The following CCSER1 variants were observed in gnomAD, a reference collection of about 807,000 sequenced individuals.
The protein encoded by CCSER1 is serine-rich coiled-coil domain-containing protein 1.
A neutral mutation model predicts 82.0 loss-of-function variants in CCSER1; 41 were observed. That is an observed-to-expected ratio of 0.50 (90% CI 0.39 to 0.65). CCSER1 has a LOEUF of 0.65. CCSER1 is among the 30% of genes least tolerant of loss of function. The pLI, the probability that CCSER1 is intolerant of heterozygous loss-of-function variation, is 0.00. For missense variants in CCSER1, 1,119 were observed against 1,064.2 expected (o/e 1.05, Z -0.72); for synonymous variants, 414 against 383.9 (o/e 1.08, Z -0.92).
intron 10 of CCSER1, among the ~76,000 whole-genome samples, chr4:91,178,037 C>T (rs1733590072): frequency 1.3e-5 from 2 of 152,142 alleles, no homozygotes; most frequent in African/African-American, 4.8e-5. Context: ...TTTCAAAGAA[C>T]ATCTTTATAT....
At chr4:90,976,483 C>T (rs1381296) in intron 9 of CCSER1, among the ~76,000 whole-genome samples, 5,619 of 150,576 alleles carry the variant, frequency 0.037, 147 homozygotes, top group South Asian at 0.082. Flanking sequence ...AGCAGTTTGG[C>T]GGTAAGAATT....
intron 9 of CCSER1, among the ~76,000 whole-genome samples, chr4:90,925,580 T>G (rs1049163098): frequency 2.0e-5 from 3 of 152,188 alleles, no homozygotes; most frequent in Non-Finnish European, 4.4e-5. Context: ...GGATAGTTAT[T>G]CTAACACCAT....
In CCSER1 at chr4:90,861,905, C is replaced by CATAT. The variant is rs1433929339; in HGVS notation, c.2094+46079_2094+46082dup. ...CCATGGATCTCCTGATATGATGACT[C>CATAT]ATATATATATATATATATATATTTT... is the stretch of plus-strand genomic sequence containing the variant. On this transcript the variant is annotated intron_variant, in intron 8 of 10. Coordinates refer to ENST00000509176, the MANE Select transcript of CCSER1 (RefSeq NM_001145065.2). 1.2e-3 allele frequency among the ~76,000 whole-genome samples: 163 copies of CATAT among 139,372 alleles called. 2 individuals carry two copies. Among genetic ancestry groups the CATAT allele is most frequent in the Admixed American group, 6.5e-3 (88 of 13,630 alleles). The allele number at this position is 139,372 out of a possible 152,430, so 91.4% of individuals were successfully genotyped here.
chr4:90,584,048 A>G (rs1781717052), intron 5 of CCSER1, among the ~76,000 whole-genome samples: 2 of 152,182 alleles, frequency 1.3e-5, no homozygotes, highest in African/African-American at 4.8e-5. Flanking sequence ...TAAGCTGAGC[A>G]CCAAGATCTC....
intron 7 of CCSER1, among the ~76,000 whole-genome samples, chr4:90,786,684 C>T (rs1182061754): frequency 6.6e-6 from 1 of 152,180 alleles, no homozygotes; most frequent in African/African-American, 2.4e-5. Flanking sequence ...TCTCATACCA[C>T]AGCGATCAAC....
At chr4:90,955,202 C>A (rs1321417165) in intron 9 of CCSER1, among the ~76,000 whole-genome samples, 2 of 152,060 alleles carry the variant, frequency 1.3e-5, no homozygotes, top group Non-Finnish European at 2.9e-5. Context: ...CTTGGAAGAC[C>A]CAGCTGGTCC....
intron 10 of CCSER1, among the ~76,000 whole-genome samples, chr4:91,216,477 A>C (rs374815523): frequency 5.8e-4 from 88 of 151,992 alleles, no homozygotes; most frequent in African/African-American, 2.1e-3. Context: ...GTGCCACCAC[A>C]CCCGGCTAAT....
chr4:90,547,792 T>TA (rs1271553549), intron 5 of CCSER1, among the ~76,000 whole-genome samples: 1 of 152,200 alleles, frequency 6.6e-6, no homozygotes, highest in Admixed American at 6.5e-5. Flanking sequence ...AATTTGGCTC[T>TA]AATTTTTTTG....
intron 10 of CCSER1, among the ~76,000 whole-genome samples, chr4:91,427,249 G>T (rs1031159380): frequency 3.3e-5 from 5 of 152,104 alleles, no homozygotes; most frequent in African/African-American, 1.2e-4. Context: ...GCTCCAAGGG[G>T]ATAGGTACAA....
At chr4:90,285,653 T>C (rs1044437398) in intron 1 of CCSER1, among the ~76,000 whole-genome samples, 1 of 152,088 alleles carries the variant, frequency 6.6e-6, no homozygotes, top group Non-Finnish European at 1.5e-5. Context: ...GTCTAATTGC[T>C]CTGGCTAGGG....
At chr4:90,912,129 T>G (rs1426235717) in intron 8 of CCSER1, among the ~76,000 whole-genome samples, 1 of 152,136 alleles carries the variant, frequency 6.6e-6, no homozygotes, top group Non-Finnish European at 1.5e-5. Context: ...TGGAATACAG[T>G]AGTGTTTCTT....
chr4:91,314,750 A>T lies in CCSER1; in HGVS notation c.2217+228756A>T, dbSNP rs572316113. Among the ~76,000 whole-genome samples the T allele has an allele frequency of 1.9e-3, 285 of 152,126 alleles. 3 individuals carry two copies. The highest frequency in any genetic ancestry group is 1.1e-3 in the Non-Finnish European group (76 of 67,946). On this transcript the variant is annotated intron_variant, in intron 10 of 10. Coordinates refer to ENST00000509176, the MANE Select transcript of CCSER1 (RefSeq NM_001145065.2). ...ACATTTCTGGGTTGTTATCTTTTTT[A>T]AATCTCCATCATACCAAATATGGAT...
At chr4:91,446,329 G>T (rs990542321) in intron 10 of CCSER1, among the ~76,000 whole-genome samples, 1 of 151,994 alleles carries the variant, frequency 6.6e-6, no homozygotes, top group Non-Finnish European at 1.5e-5. Flanking sequence ...TAAGTAAAAG[G>T]TCATCACTTT....
rs1294821846 is a variant in CCSER1, at chr4:91,157,989, A to G, written c.2217+71995A>G. ...TTACAGAGTAGGGGTTGAAAGCAGT[A>G]TATTCTACTTCTCAGAAAGCCAAAT... is the stretch of plus-strand genomic sequence containing the variant. On this transcript the variant is annotated intron_variant, in intron 10 of 10. Transcript: ENST00000509176. Among the ~76,000 whole-genome samples, 9 of 152,028 alleles carry G rather than the reference A, an allele frequency of 5.9e-5. 1 individual carries two copies. Among genetic ancestry groups the G allele is most frequent in the Non-Finnish European group, 8.8e-5 (6 of 67,930 alleles).
At chr4:91,231,439 T>C (rs1273054794) in intron 10 of CCSER1, among the ~76,000 whole-genome samples, 6 of 151,756 alleles carry the variant, frequency 4.0e-5, no homozygotes, top group Non-Finnish European at 8.9e-5. Context: ...TTCATATACA[T>C]ATGAAACACA....
chr4:90,456,431 T>A (rs2153581031), intron 4 of CCSER1, among the ~76,000 whole-genome samples: 1 of 152,216 alleles, frequency 6.6e-6, no homozygotes, highest in Admixed American at 6.5e-5. Context: ...GAAAGAATGA[T>A]AGGAAAGACT....
intron 9 of CCSER1, among the ~76,000 whole-genome samples, chr4:90,961,379 G>T (rs190540639): frequency 8.5e-5 from 13 of 152,128 alleles, no homozygotes; most frequent in Admixed American, 5.3e-4. Flanking sequence ...ACCAAAAATG[G>T]TCAACCATTA....
intron 6 of CCSER1, among the ~76,000 whole-genome samples, chr4:90,702,670 C>T (rs115555178): frequency 0.15 from 23,543 of 151,992 alleles, 2,020 homozygotes; most frequent in Non-Finnish European, 0.19. Flanking sequence ...AGTCTATTAA[C>T]GGATTCAACT....
At chr4:90,988,721 A>T (rs1332938200) in intron 9 of CCSER1, among the ~76,000 whole-genome samples, 7 of 151,816 alleles carry the variant, frequency 4.6e-5, no homozygotes, top group Non-Finnish European at 8.8e-5. Flanking sequence ...CATTTTCATT[A>T]TTGAAACTCT....
Sources: allele counts gnomAD v4.1 joint callset (sites outside exome capture counted in the v4.1 genomes callset), GRCh38; gene constraint gnomAD v4.1.1; transcripts MANE v1.5; gene names NCBI Gene and HGNC (gene_info 2026-07-23, HGNC 2026-07-21).